The following SLC9A8 variants were observed in gnomAD, a reference collection of about 807,000 sequenced individuals.
The protein encoded by SLC9A8 is solute carrier family 9 member A8.
SLC9A8 carries 48 observed loss-of-function variants against 66.6 expected under a neutral mutation model. The ratio of observed to expected loss-of-function variants is 0.72; its 90% CI spans 0.57 to 0.92. The LOEUF is 0.92. Among genes scored for constraint, SLC9A8 ranks in the 40% least tolerant of loss-of-function variants. The pLI, the probability that SLC9A8 is intolerant of heterozygous loss-of-function variation, is 0.00. For synonymous variants in SLC9A8, 274 were observed against 282.6 expected (o/e 0.97, Z 0.31); for missense variants, 599 against 747.3 (o/e 0.80, Z 2.31).
At chr20:49,837,671 GT>G (rs2087591576) in intron 3 of SLC9A8, among the ~76,000 whole-genome samples, 1 of 152,144 alleles carries the variant, frequency 6.6e-6, no homozygotes, top group Non-Finnish European at 1.5e-5. Context: ...CTGGGTTCAA[GT>G]GATTCTCCTG....
In SLC9A8 at chr20:49,888,056, C is replaced by T. The variant is rs182263786; in HGVS notation, c.*120C>T. 295 of 766,408 alleles carry T rather than the reference C, an allele frequency of 3.8e-4. No individual in the cohort carries two copies. Among genetic ancestry groups the T allele is most frequent in the Non-Finnish European group, 5.0e-4 (229 of 456,140 alleles). The allele number at this position is 766,408 out of a possible 1,614,324, so 47.5% of individuals were successfully genotyped here. The stretch of plus-strand genomic sequence containing the variant: ...GCAGCCCCTTCAAGACATAAGAGGG[C>T]GGGGCGAGGTACTGGCTGCAGAGTC... On this transcript the variant is annotated 3_prime_UTR_variant, in exon 16 of 16. Transcript: ENST00000361573.
At position 49,872,390 on chromosome 20, in the gene SLC9A8, G is replaced by T. The variant is rs1054665440; in HGVS notation, c.959-2315G>T. On this transcript the variant is annotated intron_variant, in intron 10 of 15. Coordinates refer to ENST00000361573, the MANE Select transcript of SLC9A8 (RefSeq NM_015266.3). ...CAAAAAAGTAGGTTTCCTATATTTT[G>T]TAGGGTATTGTGTTACAGTAAGCTT... is the stretch of plus-strand genomic sequence containing the variant. Among the ~76,000 whole-genome samples, 6 of 151,998 alleles carry T rather than the reference G, an allele frequency of 3.9e-5. No homozygotes were observed. In the South Asian group the frequency reaches 1.0e-3, roughly 26 times the overall value.
chr20:49,813,537 GC>G (rs1436651779), intron 1 of SLC9A8, among the ~76,000 whole-genome samples: 1 of 152,128 alleles, frequency 6.6e-6, no homozygotes, highest in Middle Eastern at 3.2e-3. Context: ...CGTTATTTGT[GC>G]CTAGTGTTCC....
chr20:49,837,978 T>G (rs1260460640), intron 3 of SLC9A8, among the ~76,000 whole-genome samples: 1 of 152,030 alleles, frequency 6.6e-6, no homozygotes, highest in Non-Finnish European at 1.5e-5. Flanking sequence ...TTGAACAAAA[T>G]AGCAAGTAGT....
chr20:49,817,774 C>T (rs2086608287), intron 2 of SLC9A8, among the ~76,000 whole-genome samples: 1 of 152,160 alleles, frequency 6.6e-6, no homozygotes, highest in Non-Finnish European at 1.5e-5. Context: ...AGATTTAATA[C>T]ACCCTGGTAA....
chr20:49,854,543 A>G (rs2088388894), intron 7 of SLC9A8, among the ~76,000 whole-genome samples: 1 of 110,376 alleles, frequency 9.1e-6, no homozygotes, highest in Admixed American at 1.0e-4. Context: ...ACGTCACCTC[A>G]ATTGATTTCC....
intron 8 of SLC9A8, among the ~76,000 whole-genome samples, chr20:49,857,621 G>A (rs1232981662): frequency 6.6e-6 from 1 of 152,206 alleles, no homozygotes; most frequent in Non-Finnish European, 1.5e-5. Flanking sequence ...GAGAGGCTGA[G>A]GCAGGAGAAT....
chr20:49,814,503 G>A (rs1435349005), intron 1 of SLC9A8, among the ~76,000 whole-genome samples: 46 of 152,130 alleles, frequency 3.0e-4, no homozygotes, highest in Admixed American at 2.9e-3. Context: ...GGTAAGATGG[G>A]GTAATAGGAG....
At chr20:49,861,415 A>G (rs1266735892) in intron 8 of SLC9A8, among the ~76,000 whole-genome samples, 1 of 152,134 alleles carries the variant, frequency 6.6e-6, no homozygotes, top group Admixed American at 6.6e-5. Flanking sequence ...GTGGTGATGT[A>G]TGCTTGTGGT....
At chr20:49,835,843 G>A (rs1314021908) in intron 3 of SLC9A8, among the ~76,000 whole-genome samples, 3 of 151,622 alleles carry the variant, frequency 2.0e-5, no homozygotes, top group East Asian at 1.9e-4. Context: ...CCGCCATCAC[G>A]CCCAACTGCT....
chr20:49,855,409 G>A (rs1247618408), intron 7 of SLC9A8, 29 bp from the exon 8 acceptor site: 2 of 1,611,084 alleles, frequency 1.2e-6, no homozygotes. Flanking sequence ...ACACATTACA[G>A]AATCTCCCCT....
In SLC9A8 at chr20:49,884,248, CACACACACACG is replaced by C. The variant is rs1446602052; in HGVS notation, c.1491+193_1491+203del. 233 of 348,734 alleles carry C rather than the reference CACACACACACG, an allele frequency of 6.7e-4. 4 individuals carry two copies. The highest frequency in any genetic ancestry group is 2.7e-3 in the African/African-American group (84 of 31,678). 21.6% of individuals were successfully genotyped at this position (348,734 alleles called of 1,614,324 possible). Reference sequence around the variant, plus strand: ...CACACACACACACACACACGACACACACACACACACGACACACACACACACGACACACACAC... The same window carrying C: ...CACACACACACACACACACGACACACACACACACACACACGACACACACAC... On this transcript the variant is annotated intron_variant, in intron 14 of 15. Coordinates refer to ENST00000361573, the MANE Select transcript of SLC9A8 (RefSeq NM_015266.3).
intron 10 of SLC9A8, among the ~76,000 whole-genome samples, chr20:49,870,770 C>T (rs1041369982): frequency 6.6e-5 from 10 of 152,186 alleles, no homozygotes; most frequent in African/African-American, 1.4e-4. Context: ...GGCACAATCA[C>T]GTCTCACTGC....
chr20:49,889,357 A>G lies in SLC9A8; in HGVS notation c.*1421A>G, dbSNP rs2089992141. On this transcript the variant is annotated 3_prime_UTR_variant, in exon 16 of 16. Transcript: ENST00000361573. ...CATGGACCCTGGGCTGATCATGTGCATTCCTGCTTCTCTGGGGACACAGTG... is the reference window on the plus strand; with the variant it reads ...CATGGACCCTGGGCTGATCATGTGCGTTCCTGCTTCTCTGGGGACACAGTG... The G allele has an allele frequency of 6.6e-6, 1 of 152,182 alleles. No individual in the cohort carries two copies. Among genetic ancestry groups the G allele is most frequent in the Non-Finnish European group, 1.5e-5 (1 of 68,078 alleles). The allele number at this position is 152,182 out of a possible 1,614,324, so 9.4% of individuals were successfully genotyped here.
chr20:49,886,841 C>T lies in SLC9A8; in HGVS notation c.1581C>T (p.Phe527=), dbSNP rs1441932016. The change falls in exon 15 of 16, where the codon TTC becomes TTT. Residue 527 remains phenylalanine (F), a synonymous_variant. Transcript: ENST00000361573. This position sits in a 1 kb window ranked among gnomAD's most constrained non-coding sequence, Gnocchi z 4.8. ...HYIRRQDLKG[F]VWLDAKYLNP... is the part of the protein sequence containing the mutation. ...TCAGGCGGCAGGACCTTAAGGGCTT[C>T]GTGTGGCTGGACGCCAAGTACCTGA... The T allele has an allele frequency of 7.4e-6, 12 of 1,614,180 alleles. No individual in the cohort carries two copies. Among genetic ancestry groups the T allele is most frequent in the African/African-American group, 4.0e-5 (3 of 75,056 alleles).
At chr20:49,819,965 C>G (rs747237885) in intron 2 of SLC9A8, among the ~76,000 whole-genome samples, 4 of 152,104 alleles carry the variant, frequency 2.6e-5, no homozygotes, top group Non-Finnish European at 4.4e-5. Context: ...ATTGTTTCTA[C>G]CTTTTGGCTG....
intron 8 of SLC9A8, among the ~76,000 whole-genome samples, chr20:49,857,157 C>T (rs575686269): frequency 3.9e-5 from 6 of 152,200 alleles, no homozygotes; most frequent in South Asian, 2.1e-4. Context: ...CCCACCTTCC[C>T]GCAAAAAACT....
rs543709105 is a variant in SLC9A8 at position 49,842,255 on chromosome 20, A to G, written c.348+2656A>G. Among the ~76,000 whole-genome samples the G allele has an allele frequency of 3.9e-3, 591 of 151,284 alleles. 6 individuals carry two copies. The highest frequency in any genetic ancestry group is 0.014 in the African/African-American group (568 of 41,164). On this transcript the variant is annotated intron_variant, in intron 4 of 15. Transcript: ENST00000361573. The stretch of plus-strand genomic sequence containing the variant: ...CGGCTAATTTTTGTATTTTTAGTAG[A>G]GATGGGGTTTCACCAAATTGGCCAG...
intron 10 of SLC9A8, among the ~76,000 whole-genome samples, chr20:49,870,495 T>G (rs2146705019): frequency 6.6e-6 from 1 of 152,194 alleles, no homozygotes; most frequent in South Asian, 2.1e-4. Context: ...AAGATAGATG[T>G]GCGGGAGTGT....
Sources: gnomAD v4.1 joint callset for allele counts (sites outside exome capture counted in the v4.1 genomes callset) on GRCh38, gnomAD v4.1.1 for gene constraint, Gnocchi (gnomAD v3.1) non-coding constraint, MANE v1.5 for transcripts, NCBI Gene and HGNC (gene_info 2026-07-23, HGNC 2026-07-21) for gene names.